The following KCNIP4 variants were observed in gnomAD, a reference collection of about 807,000 sequenced individuals.
KCNIP4 encodes the protein Kv channel-interacting protein 4.
A neutral mutation model predicts 34.0 loss-of-function variants in KCNIP4; 12 were observed. The observed-to-expected ratio is 0.35, with a 90% CI of 0.23 to 0.57. The LOEUF is 0.57. Among genes scored for constraint, KCNIP4 ranks in the 20% least tolerant of loss-of-function variants. The pLI, the probability that KCNIP4 is intolerant of heterozygous loss-of-function variation, is 0.83. For missense variants in KCNIP4, 238 were observed against 311.7 expected, an observed-to-expected ratio of 0.76 and a Z score of 1.78; for synonymous variants, 124 against 102.2, an observed-to-expected ratio of 1.21 and a Z score of -1.29.
At chr4:21,525,504 T>TA (rs932101605) in intron 1 of KCNIP4, among the ~76,000 whole-genome samples, 10 of 152,268 alleles carry the variant, frequency 6.6e-5, no homozygotes, top group Admixed American at 3.9e-4. Context: ...TAAAAATATT[T>TA]AAAAAATGAC....
chr4:21,076,013 A>C (rs1745456302), intron 1 of KCNIP4, among the ~76,000 whole-genome samples: 1 of 152,100 alleles, frequency 6.6e-6, no homozygotes, highest in Non-Finnish European at 1.5e-5. Context: ...ATCCACTGTT[A>C]GTCTGACGGG....
chr4:21,423,079 C>A (rs937663466), intron 1 of KCNIP4, among the ~76,000 whole-genome samples: 4 of 152,180 alleles, frequency 2.6e-5, no homozygotes, highest in Non-Finnish European at 4.4e-5. Flanking sequence ...AATCACACTT[C>A]ATCTGATATT....
intron 1 of KCNIP4, among the ~76,000 whole-genome samples, chr4:21,005,679 T>A (rs935031491): frequency 2.0e-5 from 3 of 152,182 alleles, no homozygotes; most frequent in African/African-American, 7.2e-5. Flanking sequence ...TAAATATGGT[T>A]TGGCACAACT....
In KCNIP4 at chr4:20,977,909, T is replaced by C. The variant is rs111759091; in HGVS notation, c.62-95200A>G. On this transcript the variant is annotated intron_variant, in intron 1 of 8. Transcript: ENST00000382152. ...GCCTTACTCCCTCTCACAATACTTTTTCATCTTGGATTAGTTATTCATGAG... is the reference window on the plus strand; with the variant it reads ...GCCTTACTCCCTCTCACAATACTTTCTCATCTTGGATTAGTTATTCATGAG... 7.9e-5 allele frequency among the ~76,000 whole-genome samples: 12 copies of C among 152,316 alleles called. 2 individuals are homozygous for C. Among genetic ancestry groups the C allele is most frequent in the African/African-American group, 2.6e-4 (11 of 41,570 alleles).
At chr4:21,653,461 G>A (rs1027887089) in intron 1 of KCNIP4, among the ~76,000 whole-genome samples, 15 of 152,176 alleles carry the variant, frequency 9.9e-5, no homozygotes, top group African/African-American at 3.6e-4. Context: ...TGCCGTAGAA[G>A]TAAATATGCT....
At chr4:21,769,123 C>T (rs1718611759) in intron 1 of KCNIP4, among the ~76,000 whole-genome samples, 1 of 151,908 alleles carries the variant, frequency 6.6e-6, no homozygotes, top group Non-Finnish European at 1.5e-5. Context: ...ATTCACACTC[C>T]TATAAAAGTG....
Position 21,893,030 on chromosome 4 carries a change from G to C in KCNIP4, c.61+55541C>G, listed in dbSNP as rs555380090. ...GATCTGAATAACTCATCTACATTTT[G>C]CCAATCACAAGTTACAGACACAATG... On this transcript the variant is annotated intron_variant, in intron 1 of 8. Transcript: ENST00000382152. Among the ~76,000 whole-genome samples, 9 of 152,188 alleles carry C rather than the reference G, an allele frequency of 5.9e-5. No homozygotes were observed. In the South Asian group the frequency reaches 1.9e-3, roughly 32 times the overall value.
At chr4:21,392,555 G>T (rs191430366) in intron 1 of KCNIP4, among the ~76,000 whole-genome samples, 1 of 152,202 alleles carries the variant, frequency 6.6e-6, no homozygotes, top group African/African-American at 2.4e-5. Flanking sequence ...TTTACGAAGC[G>T]CTGTGAGCTT....
At chr4:20,792,799 C>CA (rs1285091711) in intron 3 of KCNIP4, among the ~76,000 whole-genome samples, 2 of 151,946 alleles carry the variant, frequency 1.3e-5, no homozygotes, top group African/African-American at 2.4e-5. Context: ...ATAGATGCAT[C>CA]AAAATAGAGT....
chr4:21,794,759 A>G (rs781198154), intron 1 of KCNIP4, among the ~76,000 whole-genome samples: 13 of 152,130 alleles, frequency 8.5e-5, no homozygotes, highest in African/African-American at 1.2e-4. Context: ...TGCACCTGTA[A>G]TCCCAGCTAC....
Position 21,577,719 on chromosome 4 carries a change from T to C in KCNIP4, c.61+370852A>G, listed in dbSNP as rs139306711. Among the ~76,000 whole-genome samples, 485 of 152,276 alleles carry C rather than the reference T, an allele frequency of 3.2e-3. 1 individual carries two copies. Among genetic ancestry groups the C allele is most frequent in the African/African-American group, 0.011 (463 of 41,564 alleles). ...GGTGCCTCTATGCCGTTGCACACTC[T>C]GCTTCCTCTGCTGCAGCTGGCATTC... On this transcript the variant is annotated intron_variant, in intron 1 of 8. Coordinates refer to ENST00000382152, the MANE Select transcript of KCNIP4 (RefSeq NM_025221.6).
intron 1 of KCNIP4, among the ~76,000 whole-genome samples, chr4:21,467,705 G>C (rs755985215): frequency 6.6e-6 from 1 of 152,128 alleles, no homozygotes; most frequent in Non-Finnish European, 1.5e-5. Flanking sequence ...TCAGTGTCCT[G>C]TCATATCAGC....
intron 1 of KCNIP4, among the ~76,000 whole-genome samples, chr4:21,276,245 G>A (rs1352399866): frequency 6.6e-6 from 1 of 152,196 alleles, no homozygotes; most frequent in African/African-American, 2.4e-5. Context: ...CAACCCTGCT[G>A]ACACCTTGGT....
At chr4:21,730,765 C>T (rs17496959) in intron 1 of KCNIP4, among the ~76,000 whole-genome samples, 13,907 of 152,116 alleles carry the variant, frequency 0.091, 673 homozygotes, top group Middle Eastern at 0.17. Context: ...CAAACTTATA[C>T]GCTGGAAGAA....
intron 1 of KCNIP4, among the ~76,000 whole-genome samples, chr4:21,863,013 T>A (rs1395553500): frequency 1.3e-5 from 2 of 151,682 alleles, no homozygotes; most frequent in African/African-American, 4.8e-5. Flanking sequence ...TCACCTTAAG[T>A]GATTTTTTTT....
chr4:20,803,282 G>A (rs920773268), intron 3 of KCNIP4, among the ~76,000 whole-genome samples: 4 of 151,360 alleles, frequency 2.6e-5, no homozygotes, highest in African/African-American at 9.7e-5. Context: ...CCAACGATTA[G>A]CAGAAGGAAA....
In KCNIP4 at chr4:21,372,353, AATAGATAG is replaced by A. The variant is rs140861893; in HGVS notation, c.62-489652_62-489645del. Among the ~76,000 whole-genome samples, 212 of 139,062 alleles carry A rather than the reference AATAGATAG, an allele frequency of 1.5e-3. 20 individuals carry two copies. Among genetic ancestry groups the A allele is most frequent in the African/African-American group, 4.0e-3 (127 of 31,778 alleles). 91.2% of individuals were successfully genotyped at this position (139,062 alleles called of 152,430 possible). A position where few individuals can be genotyped will look rare whatever the true frequency, so the allele number is the denominator to read the frequency against. ...TTTTTTCAAGTTTTCCAGTTTGGTG[AATAGATAG>A]ATAGATAGATAGATAGATAGATAGA... is the stretch of plus-strand genomic sequence containing the variant. On this transcript the variant is annotated intron_variant, in intron 1 of 8. Transcript: ENST00000382152.
intron 1 of KCNIP4, among the ~76,000 whole-genome samples, chr4:21,625,889 T>C (rs1356755851): frequency 6.6e-6 from 1 of 152,168 alleles, no homozygotes; most frequent in Non-Finnish European, 1.5e-5. Flanking sequence ...CAATTCATCT[T>C]AGTCTCTCTT....
At chr4:21,466,229 G>C (rs1729921114) in intron 1 of KCNIP4, among the ~76,000 whole-genome samples, 1 of 152,050 alleles carries the variant, frequency 6.6e-6, no homozygotes, top group Non-Finnish European at 1.5e-5. Flanking sequence ...GTCAAATTAT[G>C]AACACTAAAC....
Sources: gnomAD v4.1 joint callset for allele counts (sites outside exome capture counted in the v4.1 genomes callset) on GRCh38, gnomAD v4.1.1 for gene constraint, MANE v1.5 for transcripts, NCBI Gene and HGNC (gene_info 2026-07-23, HGNC 2026-07-21) for gene names.